Variants in SYNPR observed in about 807,000 individuals in gnomAD.
The protein encoded by SYNPR is synaptoporin.
Under a neutral mutation model 32.9 loss-of-function variants are expected in SYNPR, and 23 were observed. The observed-to-expected ratio is 0.70, with a 90% CI of 0.50 to 0.99. The LOEUF (loss-of-function observed/expected upper bound fraction) is 0.99, where lower values mean the gene tolerates loss of function less well. SYNPR is among the 50% of genes least tolerant of loss of function. SYNPR has a pLI of 0.00. For missense variants in SYNPR, 318 were observed against 349.3 expected, an observed-to-expected ratio of 0.91 and a Z score of 0.71; for synonymous variants, 146 against 135.9, an observed-to-expected ratio of 1.07 and a Z score of -0.52.
At chr3:63,410,286 T>C (rs147337608) in intron 2 of SYNPR, among the ~76,000 whole-genome samples, 13 of 152,286 alleles carry the variant, frequency 8.5e-5, no homozygotes, top group Non-Finnish European at 1.6e-4. Context: ...CTTAATTAAA[T>C]GATGGAGTTG....
chr3:63,502,506 G>A (rs1701501531), intron 3 of SYNPR, among the ~76,000 whole-genome samples: 1 of 151,994 alleles, frequency 6.6e-6, no homozygotes, highest in Non-Finnish European at 1.5e-5. Flanking sequence ...GTACTATATG[G>A]AGTATTTTCA....
At chr3:63,418,026 G>A (rs1242706475) in intron 2 of SYNPR, among the ~76,000 whole-genome samples, 1 of 152,168 alleles carries the variant, frequency 6.6e-6, no homozygotes, top group Non-Finnish European at 1.5e-5. Context: ...CTCAGAAAAT[G>A]GGATTTTTCT....
At chr3:63,498,981 A>T (rs950867555) in intron 3 of SYNPR, among the ~76,000 whole-genome samples, 9 of 151,856 alleles carry the variant, frequency 5.9e-5, no homozygotes, top group Non-Finnish European at 1.0e-4. Context: ...AAATTAAAAA[A>T]AAAAAACTAC....
At chr3:63,298,393 T>G (rs1463640900) in intron 2 of SYNPR, among the ~76,000 whole-genome samples, 1 of 152,114 alleles carries the variant, frequency 6.6e-6, no homozygotes, top group Non-Finnish European at 1.5e-5. Context: ...AAAACCTAAG[T>G]TAAAAGCACC....
the SYNPR span, among the ~76,000 whole-genome samples, chr3:63,210,091 C>A: frequency 2.0e-5 from 3 of 152,048 alleles, no homozygotes; most frequent in Admixed American, 1.3e-4. Flanking sequence ...ATTGTGGAAA[C>A]TACTGGAGTA....
chr3:63,430,105 A>C (rs1699965800), intron 2 of SYNPR, among the ~76,000 whole-genome samples: 1 of 152,214 alleles, frequency 6.6e-6, no homozygotes, highest in South Asian at 2.1e-4. Flanking sequence ...GTTGTTGGGA[A>C]TCTGAAACTT....
chr3:63,514,375 C>G (rs1701755423), intron 3 of SYNPR, among the ~76,000 whole-genome samples: 1 of 152,216 alleles, frequency 6.6e-6, no homozygotes, highest in Non-Finnish European at 1.5e-5. Flanking sequence ...CAGAGCAAGT[C>G]ATGGAACATC....
chr3:63,512,483 A>G (rs1374757315), intron 3 of SYNPR, among the ~76,000 whole-genome samples: 1 of 152,218 alleles, frequency 6.6e-6, no homozygotes, highest in East Asian at 1.9e-4. Context: ...ACCATTAAAT[A>G]GAGCTGTTAT....
chr3:63,453,534 T>C (rs1700421667), intron 2 of SYNPR, among the ~76,000 whole-genome samples: 1 of 152,136 alleles, frequency 6.6e-6, no homozygotes. Context: ...GAGAATTGAG[T>C]ATCTCTCCCA....
intron 2 of SYNPR, among the ~76,000 whole-genome samples, chr3:63,400,701 G>A (rs959055556): frequency 2.0e-5 from 3 of 152,164 alleles, no homozygotes; most frequent in African/African-American, 7.2e-5. Flanking sequence ...AGGGGAATTA[G>A]GCTCCACCAC....
At chr3:63,503,797 A>T (rs898145232) in intron 3 of SYNPR, among the ~76,000 whole-genome samples, 2 of 152,112 alleles carry the variant, frequency 1.3e-5, no homozygotes, top group African/African-American at 4.8e-5. Flanking sequence ...CACAACAAAT[A>T]ATGTTAGAAT....
At chr3:63,451,533 C>T (rs1246672076) in intron 2 of SYNPR, among the ~76,000 whole-genome samples, 4 of 152,176 alleles carry the variant, frequency 2.6e-5, no homozygotes, top group African/African-American at 9.6e-5. Flanking sequence ...TTCCTTTCCA[C>T]TTTCTTAAGA....
chr3:63,578,223 C>G (rs1703026453), intron 4 of SYNPR, among the ~76,000 whole-genome samples: 1 of 152,130 alleles, frequency 6.6e-6, no homozygotes, highest in Non-Finnish European at 1.5e-5. Context: ...CCTCACAGTT[C>G]TCACTTCACT....
chr3:63,609,325 T>A lies in SYNPR; in HGVS notation c.600+9T>A. ...GCTTAAACACTTCTGTGGTAAGTAT[T>A]TTTCATCTATGCTTTACTGTTCATA... On this transcript the variant is annotated intron_variant, in intron 5 of 5. Coordinates refer to ENST00000478300, the MANE Select transcript of SYNPR (RefSeq NM_001130003.2). The A allele has an allele frequency of 6.5e-7, 1 of 1,546,942 alleles. No homozygotes were observed.
At chr3:63,324,369 G>C (rs1426070852) in intron 2 of SYNPR, among the ~76,000 whole-genome samples, 1 of 152,124 alleles carries the variant, frequency 6.6e-6, no homozygotes, top group Non-Finnish European at 1.5e-5. Context: ...GAGCCTTGAA[G>C]GCTAAGCCAG....
intron 3 of SYNPR, among the ~76,000 whole-genome samples, chr3:63,551,377 C>T (rs1489698564): frequency 6.6e-6 from 1 of 152,146 alleles, no homozygotes; most frequent in Non-Finnish European, 1.5e-5. Context: ...GCTGTGAACA[C>T]TCTTGTACAA....
chr3:63,613,003 G>T (rs1374391557), intron 5 of SYNPR, among the ~76,000 whole-genome samples: 1 of 145,028 alleles, frequency 6.9e-6, no homozygotes, highest in Non-Finnish European at 1.5e-5. Flanking sequence ...ACAGGGTTTT[G>T]CTCTGTCACC....
chr3:63,381,593 T>C (rs951567497), intron 2 of SYNPR, among the ~76,000 whole-genome samples: 1 of 152,248 alleles, frequency 6.6e-6, no homozygotes, highest in East Asian at 1.9e-4. Flanking sequence ...TACATTTTTA[T>C]AGCTGAAGTG....
At chr3:63,371,175 A>C (rs2087807709) in intron 2 of SYNPR, among the ~76,000 whole-genome samples, 1 of 151,924 alleles carries the variant, frequency 6.6e-6, no homozygotes, top group Non-Finnish European at 1.5e-5. Context: ...AGTCCCCAGG[A>C]ACCCACACTT....
Sources: allele counts gnomAD v4.1 joint callset (sites outside exome capture counted in the v4.1 genomes callset), GRCh38; gene constraint gnomAD v4.1.1; transcripts MANE v1.5; gene names NCBI Gene and HGNC (gene_info 2026-07-23, HGNC 2026-07-21).